LIPK: variants seen among roughly 807,000 people sequenced by gnomAD.
The protein encoded by LIPK is lipase family member K.
LIPK carries 32 observed loss-of-function variants against 48.6 expected under a neutral mutation model. The observed-to-expected ratio is 0.66, with a 90% confidence interval of 0.50 to 0.88. LIPK has a LOEUF of 0.88. Among genes scored for constraint, LIPK ranks in the 40% least tolerant of loss-of-function variants. The pLI is 0.00. For missense variants in LIPK, 507 were observed against 478.5 expected, an observed-to-expected ratio of 1.06 and a Z score of -0.56; for synonymous variants, 164 against 157.4, an observed-to-expected ratio of 1.04 and a Z score of -0.32.
chr10:88,711,195 C>G (rs1296645529), intron 1 of LIPK, among the ~76,000 whole-genome samples: 1 of 151,580 alleles, frequency 6.6e-6, no homozygotes, highest in African/African-American at 2.4e-5. Flanking sequence ...TCCTAGAGTC[C>G]TTTATCAAAT....
At chr10:88,721,455 G>A (rs1043330559) in intron 1 of LIPK, among the ~76,000 whole-genome samples, 3 of 152,206 alleles carry the variant, frequency 2.0e-5, no homozygotes, top group Non-Finnish European at 4.4e-5. Context: ...AATGGAACAC[G>A]TATAGACTCC....
chr10:88,725,405 A>C (rs146394998), intron 2 of LIPK, among the ~76,000 whole-genome samples: 2 of 152,220 alleles, frequency 1.3e-5, no homozygotes, highest in Non-Finnish European at 2.9e-5. Flanking sequence ...TCATCTATAA[A>C]GCATTTATGT....
intron 8 of LIPK, among the ~76,000 whole-genome samples, chr10:88,740,655 C>T (rs985444364): frequency 2.6e-5 from 4 of 152,092 alleles, no homozygotes; most frequent in Admixed American, 6.5e-5. Flanking sequence ...TGCGCACACA[C>T]GTGCATGCAC....
intron 7 of LIPK, among the ~76,000 whole-genome samples, chr10:88,739,316 A>C (rs1404826514): frequency 6.6e-6 from 1 of 152,208 alleles, no homozygotes; most frequent in African/African-American, 2.4e-5. Context: ...TTGGGACTTA[A>C]CACGGGGTGA....
rs553388245 is a variant in LIPK at position 88,741,993 on chromosome 10, A to G, written c.889-1257A>G. On this transcript the variant is annotated intron_variant, in intron 8 of 9. Transcript: ENST00000404190. ...GGAAGCATGGCTAGGAGGCCTCAAG[A>G]AACTTACAATCAATCACCGTGGAAA... Among the ~76,000 whole-genome samples the G allele has an allele frequency of 2.6e-5, 4 of 152,298 alleles. No individual in the cohort carries two copies. In the South Asian group the frequency reaches 8.3e-4, roughly 32 times the overall value.
chr10:88,740,727 C>T (rs399949), intron 8 of LIPK, among the ~76,000 whole-genome samples: 33,062 of 151,974 alleles, frequency 0.22, 3,754 homozygotes, highest in East Asian at 0.36. Context: ...GTCACAACGC[C>T]TTTTGAAAAG....
Position 88,731,155 on chromosome 10 carries a change from G to T in LIPK, c.396G>T (p.Pro132=). 6.3e-7 allele frequency: 1 copy of T among 1,581,958 alleles called. No homozygotes were observed. The highest frequency in any genetic ancestry group is 2.3e-5 in the East Asian group (1 of 44,096). Residue 132 remains proline (P), a synonymous_variant, in exon 4 of 10, where the codon CCG becomes CCT. Transcript: ENST00000404190. ...CCAGAAAACACCTTAAATTGTCACCGAAATCACCGGAATACTGGGCCTTCA... is the reference window on the plus strand; with the variant it reads ...CCAGAAAACACCTTAAATTGTCACCTAAATCACCGGAATACTGGGCCTTCA... ...TWSRKHLKLS[P]KSPEYWAFSL...
At chr10:88,741,407 A>G (rs907080121) in intron 8 of LIPK, among the ~76,000 whole-genome samples, 1 of 152,048 alleles carries the variant, frequency 6.6e-6, no homozygotes, top group African/African-American at 2.4e-5. Flanking sequence ...GTTTCTTTTT[A>G]CAAAGATGAG....
chr10:88,711,045 T>C (rs1842017480), intron 1 of LIPK, among the ~76,000 whole-genome samples: 2 of 152,214 alleles, frequency 1.3e-5, no homozygotes, highest in Admixed American at 1.3e-4. Flanking sequence ...TTCTTTCTGA[T>C]GACTAACAAT....
Position 88,737,767 on chromosome 10 carries a change from C to A in LIPK, c.802C>A (p.Gln268Lys). 1 of 1,613,664 alleles carries A rather than the reference C, an allele frequency of 6.2e-7. No homozygotes were observed. Among genetic ancestry groups the A allele is most frequent in the South Asian group, 1.1e-5 (1 of 91,050 alleles). Reference sequence around the variant, plus strand: ...ATTTACTCTGAGTGGATTTGATCCGCAAAACTTAAATATGGTAGGTGTAAG... The same window carrying A: ...ATTTACTCTGAGTGGATTTGATCCGAAAAACTTAAATATGGTAGGTGTAAG... Reference protein sequence around the residue: ...FLFTLSGFDPQNLNMSRLDVY... With the variant: ...FLFTLSGFDPKNLNMSRLDVY... Residue 268 changes from glutamine (Q) to lysine (K), a missense_variant, in exon 7 of 10, where the codon CAA becomes AAA. Transcript: ENST00000404190.
intron 1 of LIPK, among the ~76,000 whole-genome samples, chr10:88,719,712 T>C (rs573893690): frequency 1.3e-5 from 2 of 152,258 alleles, no homozygotes; most frequent in South Asian, 4.1e-4. Context: ...ACGAATACAG[T>C]GAAGAATTAG....
intron 1 of LIPK, among the ~76,000 whole-genome samples, chr10:88,712,419 A>C (rs907285172): frequency 2.0e-5 from 3 of 152,200 alleles, no homozygotes; most frequent in Non-Finnish European, 4.4e-5. Flanking sequence ...CTTACTATTC[A>C]TGCACTTATT....
At chr10:88,729,997 T>C (rs562587292) in intron 3 of LIPK, among the ~76,000 whole-genome samples, 8 of 152,212 alleles carry the variant, frequency 5.3e-5, no homozygotes, top group Non-Finnish European at 1.0e-4. Context: ...CTATTTTACA[T>C]TGGGAATAGG....
chr10:88,739,727 T>A (rs1332591163), intron 7 of LIPK, among the ~76,000 whole-genome samples: 1 of 151,834 alleles, frequency 6.6e-6, no homozygotes, highest in Non-Finnish European at 1.5e-5. Context: ...GGCGTGGTGG[T>A]GCGCACCTGT....
chr10:88,723,825 A>C (rs1408012060), intron 1 of LIPK, among the ~76,000 whole-genome samples: 1 of 151,998 alleles, frequency 6.6e-6, no homozygotes, highest in African/African-American at 2.4e-5. Flanking sequence ...AAATATATGC[A>C]CAATTTGAAG....
rs1223911751 is a variant in LIPK at position 88,727,040 on chromosome 10, GC to G, written c.223+134del. 1.1e-5 allele frequency: 7 copies of G among 654,614 alleles called. No individual in the cohort carries two copies. The African/African-American group carries it at 1.3e-4, about 12-fold the overall frequency. 40.6% of individuals were successfully genotyped at this position (654,614 alleles called of 1,614,324 possible). ...TTTCCATTAAAGGAGAAAAATTATC[GC>G]CCCCCATCTCTCTGTTTAATTTGTG... is the stretch of plus-strand genomic sequence containing the variant. On this transcript the variant is annotated intron_variant, in intron 3 of 9. Transcript: ENST00000404190.
Position 88,752,553 on chromosome 10 carries a change from G to A in LIPK, c.997G>A (p.Val333Ile), listed in dbSNP as rs901332300. ...PPLYNITKME[V>I]PTAIWNGGQD... The stretch of plus-strand genomic sequence containing the variant: ...TTTATACAACATTACTAAGATGGAA[G>A]TTCCAACAGCAATATGGAATGGTGG... The change falls in exon 10 of 10, where the codon GTT (valine) becomes ATT (isoleucine). Residue 333 changes from valine (V) to isoleucine (I), a missense_variant. Physicochemically the swap from Val to Ile is conservative, Grantham distance 29 (BLOSUM62 3). Transcript: ENST00000404190. 1 of 1,563,766 alleles carries A rather than the reference G, an allele frequency of 6.4e-7. No individual in the cohort carries two copies.
At position 88,724,573 on chromosome 10, in the gene LIPK, G is replaced by T. The variant is rs769449420; in HGVS notation, c.30G>T (p.Trp10Cys). The T allele has an allele frequency of 6.2e-7, 1 of 1,609,176 alleles. No homozygotes were observed. Among genetic ancestry groups the T allele is most frequent in the Non-Finnish European group, 8.5e-7 (1 of 1,178,194 alleles). ...GGCAGCTTTTAGCAGCAGCATGCTG[G>T]ATGCTTCTTCTTGGATCTATGTATG... MWQLLAAAC[W>C]MLLLGSMYGY... Residue 10 changes from tryptophan to cysteine, a missense_variant, in exon 2 of 10, where the codon TGG (tryptophan) becomes TGT (cysteine). Coordinates refer to ENST00000404190, the MANE Select transcript of LIPK (RefSeq NM_001080518.2).
chr10:88,747,716 C>T (rs1361302727), intron 9 of LIPK, among the ~76,000 whole-genome samples: 1 of 152,160 alleles, frequency 6.6e-6, no homozygotes, highest in Admixed American at 6.5e-5. Flanking sequence ...GATACCATCT[C>T]ATGCCAGAGA....
Sources: allele counts gnomAD v4.1 joint callset (sites outside exome capture counted in the v4.1 genomes callset), GRCh38; gene constraint gnomAD v4.1.1; transcripts MANE v1.5; gene names NCBI Gene and HGNC (gene_info 2026-07-23, HGNC 2026-07-21).